Variants in TTI1 observed in about 807,000 individuals in gnomAD.
The protein encoded by TTI1 is TELO2 interacting protein 1.
TTI1 carries 52 observed loss-of-function variants against 85.4 expected under a neutral mutation model. The observed-to-expected ratio is 0.61, with a 90% CI of 0.49 to 0.77. The LOEUF is 0.77. Among genes scored for constraint, TTI1 ranks in the 30% least tolerant of loss-of-function variants. TTI1 has a pLI of 0.00. For synonymous variants in TTI1, 512 were observed against 503.9 expected, an observed-to-expected ratio of 1.02 and a Z score of -0.22; for missense variants, 1,173 against 1,296.0, an observed-to-expected ratio of 0.91 and a Z score of 1.46.
chr20:38,019,147 A>T (rs1048307845), intron 1 of TTI1: 17 of 140,004 alleles, frequency 1.2e-4, no homozygotes, highest in African/African-American at 4.0e-4. Flanking sequence ...GAGCAGGTCT[A>T]AAAAAAAAAA....
chr20:37,999,299 A>T lies in TTI1; in HGVS notation c.2682T>A (p.Val894=). ...KVLDVLDLCV[V]VLQSHKNQLL... ...GCTGGTTTTTGTGGGACTGAAGAACAACCACACACAGATCCAGCACATCCA... is the reference window on the plus strand; with the variant it reads ...GCTGGTTTTTGTGGGACTGAAGAACTACCACACACAGATCCAGCACATCCA... Residue 894 remains valine, a synonymous_variant, in exon 5 of 8, where the codon GTT becomes GTA. Coordinates refer to ENST00000373447, the MANE Select transcript of TTI1 (RefSeq NM_001303457.2). 6.7e-7 allele frequency: 1 copy of T among 1,490,586 alleles called. No individual in the cohort carries two copies. Among genetic ancestry groups the T allele is most frequent in the Non-Finnish European group, 9.0e-7 (1 of 1,115,030 alleles). 92.3% of individuals were successfully genotyped at this position (1,490,586 alleles called of 1,614,324 possible).
At chr20:38,029,057 A>T (rs1397807208) in intron 1 of TTI1, among the ~76,000 whole-genome samples, 1 of 152,158 alleles carries the variant, frequency 6.6e-6, no homozygotes, top group Non-Finnish European at 1.5e-5. Flanking sequence ...TTATCCTGCC[A>T]TAAAACAAAC....
chr20:38,026,842 G>C (rs996393186), intron 1 of TTI1, among the ~76,000 whole-genome samples: 1 of 152,204 alleles, frequency 6.6e-6, no homozygotes, highest in Non-Finnish European at 1.5e-5. Flanking sequence ...AATGCCATCT[G>C]ACATGGTTCT....
intron 1 of TTI1, 139 bp from the exon 2 acceptor site, chr20:38,013,996 T>C: frequency 1.3e-6 from 1 of 775,178 alleles, no homozygotes. Context: ...GCAATGAAAC[T>C]GAGCCCCCTG....
At position 38,011,645 on chromosome 20, in the gene TTI1, C is replaced by T; in HGVS notation, c.2172G>A (p.Arg724=). 3.1e-6 allele frequency: 5 copies of T among 1,614,242 alleles called. No individual in the cohort carries two copies. Among genetic ancestry groups the T allele is most frequent in the Non-Finnish European group, 4.2e-6 (5 of 1,180,046 alleles). The part of the protein sequence containing the change: ...HTPKVLEVML[R]NSDANLLPLV... ...AAGGAAGCAGGTTAGCATCTGAGTT[C>T]CGCAGCATGACTTCCAGGACCTTTG... The change falls in exon 2 of 8, where the codon CGG becomes CGA. Residue 724 remains arginine, a synonymous_variant. Transcript: ENST00000373447.
In TTI1 at chr20:38,012,029, C is replaced by A; in HGVS notation, c.1788G>T (p.Thr596=). 1.9e-6 allele frequency: 3 copies of A among 1,614,184 alleles called. No homozygotes were observed. The highest frequency in any genetic ancestry group is 2.5e-6 in the Non-Finnish European group (3 of 1,180,038). Residue 596 remains threonine, a synonymous_variant, in exon 2 of 8, where the codon ACG becomes ACT. Coordinates refer to ENST00000373447, the MANE Select transcript of TTI1 (RefSeq NM_001303457.2). ...TAACTTGGCAGGTGTGTTCACCAGA[C>A]GTGATGGCTTGGAGGCCTGGGTGCT... The part of the protein sequence containing the change: ...MMEHPGLQAI[T]SGEHTCQVTS...
chr20:38,022,276 C>A (rs925287218), intron 1 of TTI1, among the ~76,000 whole-genome samples: 2 of 152,174 alleles, frequency 1.3e-5, no homozygotes, highest in Admixed American at 1.3e-4. Flanking sequence ...GCTCAAGTGA[C>A]GCCTTGTCTG....
At position 37,996,408 on chromosome 20, in the gene TTI1, T is replaced by C; in HGVS notation, c.3053A>G (p.Lys1018Arg). ...ADACLIYLSV[K>R]QPVKLQEAAR... is the part of the protein sequence containing the mutation. ...AGCCTCTTGTAATTTCACGGGCTGT[T>C]TGACACTGAGGTAAATCAAGCAGGC... Residue 1018 changes from lysine to arginine, a missense_variant, in exon 7 of 8, where the codon AAA becomes AGA. Physicochemically the swap from Lys to Arg is conservative, Grantham distance 26 (BLOSUM62 2). Transcript: ENST00000373447. 1.2e-6 allele frequency: 2 copies of C among 1,614,084 alleles called. No homozygotes were observed. The highest frequency in any genetic ancestry group is 1.7e-6 in the Non-Finnish European group (2 of 1,180,016).
intron 7 of TTI1, among the ~76,000 whole-genome samples, chr20:37,994,080 T>A (rs1437356518): frequency 6.6e-6 from 1 of 152,166 alleles, no homozygotes; most frequent in Non-Finnish European, 1.5e-5. Flanking sequence ...AACAACAGGA[T>A]GGATGGCAGG....
chr20:38,013,183 C>T lies in TTI1; in HGVS notation c.634G>A (p.Gly212Arg), dbSNP rs747100260. The part of the protein sequence containing the change: ...LGDLFASFLP[G>R]ISTALTRLIT... ...AGCCTGGTCAGTGCAGTTGAGATTCCAGGTAAAAAAGAGGCAAACAAATCC... is the reference window on the plus strand; with the variant it reads ...AGCCTGGTCAGTGCAGTTGAGATTCTAGGTAAAAAAGAGGCAAACAAATCC... Residue 212 changes from glycine (G) to arginine (R), a missense_variant, in exon 2 of 8, where the codon GGA becomes AGA. Gly to Arg is a moderately radical substitution (Grantham distance 125, BLOSUM62 -2). Transcript: ENST00000373447. 1 of 1,613,980 alleles carries T rather than the reference C, an allele frequency of 6.2e-7. No homozygotes were observed. The highest frequency in any genetic ancestry group is 8.5e-7 in the Non-Finnish European group (1 of 1,180,044).
intron 1 of TTI1, among the ~76,000 whole-genome samples, chr20:38,027,753 C>T (rs1474290851): frequency 3.9e-5 from 6 of 151,938 alleles, no homozygotes; most frequent in Non-Finnish European, 5.9e-5. Context: ...GGTGAAACCC[C>T]GTCTCTACAA....
chr20:38,003,706 C>T (rs565390516), intron 3 of TTI1, among the ~76,000 whole-genome samples: 295 of 149,728 alleles, frequency 2.0e-3, no homozygotes, highest in Middle Eastern at 3.4e-3. Flanking sequence ...GAGCCGAGAT[C>T]GTGCCATTGC....
At position 38,011,650 on chromosome 20, in the gene TTI1, G is replaced by A; in HGVS notation, c.2167C>T (p.Leu723=). ...PHTPKVLEVM[L]RNSDANLLPL... The stretch of plus-strand genomic sequence containing the variant: ...AGCAGGTTAGCATCTGAGTTCCGCA[G>A]CATGACTTCCAGGACCTTTGGGGTA... The change falls in exon 2 of 8, where the codon CTG becomes TTG. Residue 723 remains leucine, a synonymous_variant. Coordinates refer to ENST00000373447, the MANE Select transcript of TTI1 (RefSeq NM_001303457.2). The A allele has an allele frequency of 6.2e-7, 1 of 1,614,234 alleles. No individual in the cohort carries two copies. The highest frequency in any genetic ancestry group is 2.2e-5 in the East Asian group (1 of 44,888).
At chr20:38,029,204 A>C (rs1453153967) in intron 1 of TTI1, among the ~76,000 whole-genome samples, 2 of 152,208 alleles carry the variant, frequency 1.3e-5, no homozygotes, top group East Asian at 3.8e-4. Flanking sequence ...GTTTCTAAAT[A>C]ATCCACGGAA....
At position 38,012,139 on chromosome 20, in the gene TTI1, T is replaced by A. The variant is rs756714792; in HGVS notation, c.1678A>T (p.Ile560Leu). ...TCTTGACTTGTGTATTCTTCAAGTA[T>A]AGATGTCACAATCTCTCTCAGTTCT... Reference protein sequence around the residue: ...PEELREIVTSILEEYTSQENW... With the variant: ...PEELREIVTSLLEEYTSQENW... Residue 560 changes from isoleucine to leucine, a missense_variant, in exon 2 of 8, where the codon ATA becomes TTA. Coordinates refer to ENST00000373447, the MANE Select transcript of TTI1 (RefSeq NM_001303457.2). 3.1e-6 allele frequency: 5 copies of A among 1,614,206 alleles called. No homozygotes were observed. The Admixed American group carries it at 6.7e-5, about 22-fold the overall frequency.
chr20:37,987,632 T>G (rs2073209819), intron 7 of TTI1, among the ~76,000 whole-genome samples: 1 of 152,178 alleles, frequency 6.6e-6, no homozygotes, highest in African/African-American at 2.4e-5. Context: ...AGTGATTATC[T>G]CTCAATAACC....
rs116564745 is a variant in TTI1, at chr20:38,014,279, T to C, written c.-41-422A>G. 9.2e-3 allele frequency among the ~76,000 whole-genome samples: 1,404 copies of C among 152,328 alleles called. 21 individuals are homozygous for C. The highest frequency in any genetic ancestry group is 0.032 in the African/African-American group (1,347 of 41,562). ...GGTATACATATAGTAAAATGCACTATCTTAATGTACAGCTCAGTGAATTTT... is the reference window on the plus strand; with the variant it reads ...GGTATACATATAGTAAAATGCACTACCTTAATGTACAGCTCAGTGAATTTT... On this transcript the variant is annotated intron_variant, in intron 1 of 7. Coordinates refer to ENST00000373447, the MANE Select transcript of TTI1 (RefSeq NM_001303457.2).
At position 37,986,259 on chromosome 20, in the gene TTI1, AC is replaced by A. The variant is rs1345390729; in HGVS notation, c.3087-2621del. 7.9e-5 allele frequency among the ~76,000 whole-genome samples: 12 copies of A among 152,302 alleles called. No individual in the cohort carries two copies. The East Asian group carries it at 2.3e-3, about 29-fold the overall frequency. ...CAACACCCAGCAAAGCGGTGCCACG[AC>A]CCAGTTCAGTCATAGCTGCGCTCTG... On this transcript the variant is annotated intron_variant, in intron 7 of 7. Coordinates refer to ENST00000373447, the MANE Select transcript of TTI1 (RefSeq NM_001303457.2).
intron 1 of TTI1, among the ~76,000 whole-genome samples, chr20:38,027,299 T>G (rs2122651383): frequency 6.6e-6 from 1 of 152,348 alleles, no homozygotes; most frequent in Non-Finnish European, 1.5e-5. Flanking sequence ...TTACAACACC[T>G]AACACAATGC....
Sources: gnomAD v4.1 joint callset for allele counts (sites outside exome capture counted in the v4.1 genomes callset) on GRCh38, gnomAD v4.1.1 for gene constraint, MANE v1.5 for transcripts, NCBI Gene and HGNC (gene_info 2026-07-23, HGNC 2026-07-21) for gene names.